The following PRKDC variants were observed in gnomAD, a reference collection of about 807,000 sequenced individuals.
The protein encoded by PRKDC is protein kinase, DNA-activated, catalytic subunit, also known as DNA-dependent protein kinase catalytic subunit.
In PRKDC, 82 loss-of-function variants were observed where a neutral mutation model predicts 486.9. That is an observed-to-expected ratio of 0.17 (90% CI 0.14 to 0.20). The LOEUF is 0.20. PRKDC is among the 10% of genes least tolerant of loss of function. The pLI is 1.00. For missense variants in PRKDC, 4,504 were observed against 5,038.2 expected (o/e 0.89, Z 3.21); for synonymous variants, 1,895 against 1,837.0 (o/e 1.03, Z -0.81).
Position 47,854,999 on chromosome 8 carries a change from G to A in PRKDC, c.6761+223C>T, listed in dbSNP as rs7839604. On this transcript the variant is annotated intron_variant, in intron 50 of 85. Coordinates refer to ENST00000314191, the MANE Select transcript of PRKDC (RefSeq NM_006904.7). ...ACGGAAGGTAGTGCCCCTCCCCAGCGTGGGGACATCAGAGGCAAGCTGAGG... is the reference window on the plus strand; with the variant it reads ...ACGGAAGGTAGTGCCCCTCCCCAGCATGGGGACATCAGAGGCAAGCTGAGG... 0.029 allele frequency among the ~76,000 whole-genome samples: 4,339 copies of A among 152,238 alleles called. 215 individuals carry two copies. The highest frequency in any genetic ancestry group is 0.097 in the African/African-American group (4,034 of 41,532).
intron 67 of PRKDC, among the ~76,000 whole-genome samples, chr8:47,818,594 A>AG (rs1438380421): frequency 3.3e-4 from 50 of 151,358 alleles, no homozygotes; most frequent in Middle Eastern, 3.4e-3. Flanking sequence ...AAAAAAAAAA[A>AG]AAAAAAAAGA....
At position 47,819,509 on chromosome 8, in the gene PRKDC, T is replaced by G; in HGVS notation, c.9338A>C (p.Asn3113Thr). The G allele has an allele frequency of 8.8e-7, 1 of 1,131,252 alleles. No individual in the cohort carries two copies. The allele number at this position is 1,131,252 out of a possible 1,614,324, so 70.1% of individuals were successfully genotyped here. Residue 3113 changes from asparagine to threonine, a missense_variant and splice_region_variant, in exon 67 of 86, where the codon AAT becomes ACT. Asn to Thr is a moderately conservative substitution (Grantham distance 65). This residue lies in a region of PRKDC where 1,592 missense variants were observed against 1,724.6 expected (regional missense o/e 0.92). Coordinates refer to ENST00000314191, the MANE Select transcript of PRKDC (RefSeq NM_006904.7). ...TAAGAGGACATCAATACTAGAATAATTCTTAAAAAAAAAAAAAAAAAAAAA... is the reference window on the plus strand; with the variant it reads ...TAAGAGGACATCAATACTAGAATAAGTCTTAAAAAAAAAAAAAAAAAAAAA... ...IQNGIQSFMQNYSSIDVLLHQ... is the reference protein window; with the variant it reads ...IQNGIQSFMQTYSSIDVLLHQ...
chr8:47,823,014 G>T (rs993416960), intron 64 of PRKDC, among the ~76,000 whole-genome samples: 4 of 152,058 alleles, frequency 2.6e-5, no homozygotes, highest in Admixed American at 6.5e-5. Flanking sequence ...GGCCTGGTGA[G>T]AGGTGTTTGG....
At chr8:47,780,927 ACT>A (rs1488872003) in intron 80 of PRKDC, among the ~76,000 whole-genome samples, 2 of 151,314 alleles carry the variant, frequency 1.3e-5, no homozygotes, top group Admixed American at 6.6e-5. Context: ...ATAGAGAGAG[ACT>A]CTGTCTCAAA....
intron 69 of PRKDC, among the ~76,000 whole-genome samples, chr8:47,806,241 C>T (rs1300306980): frequency 3.3e-5 from 5 of 152,180 alleles, no homozygotes; most frequent in African/African-American, 1.2e-4. Context: ...GTAACAATGG[C>T]AGGGAACATG....
intron 7 of PRKDC, among the ~76,000 whole-genome samples, chr8:47,948,001 T>A (rs372596422): frequency 6.6e-6 from 1 of 151,770 alleles, no homozygotes; most frequent in Non-Finnish European, 1.5e-5. Context: ...GAGCATCATT[T>A]GAGCCCAGGA....
At chr8:47,777,017 C>A in intron 84 of PRKDC, 34 bp from the exon 85 acceptor site, 1 of 1,598,976 alleles carries the variant, frequency 6.3e-7, no homozygotes, top group South Asian at 1.1e-5. Flanking sequence ...CCCGGCTGAT[C>A]ATAATGGTAT....
chr8:47,785,554 C>A (rs947554823), intron 76 of PRKDC, among the ~76,000 whole-genome samples: 1 of 151,630 alleles, frequency 6.6e-6, no homozygotes, highest in Non-Finnish European at 1.5e-5. Flanking sequence ...GGCAACATAG[C>A]AAGACCCCAA....
chr8:47,796,436 A>G (rs1049256422), intron 73 of PRKDC, among the ~76,000 whole-genome samples: 1 of 152,166 alleles, frequency 6.6e-6, no homozygotes, highest in Non-Finnish European at 1.5e-5. Context: ...ATTATTAGTG[A>G]GGCTGTATGT....
chr8:47,879,765 CAAT>C (rs1325219589), intron 38 of PRKDC, 107 bp from the exon 39 acceptor site: 4 of 768,768 alleles, frequency 5.2e-6, no homozygotes, highest in Non-Finnish European at 7.2e-6. Flanking sequence ...TATGTGGAAT[CAAT>C]GAATGGCTTC....
At chr8:47,792,728 CAT>C (rs1198469996) in intron 74 of PRKDC, among the ~76,000 whole-genome samples, 14 of 152,156 alleles carry the variant, frequency 9.2e-5, no homozygotes, top group African/African-American at 2.9e-4. Flanking sequence ...ACCCCATAAA[CAT>C]AGACACCTAC....
At chr8:47,953,306 C>CA (rs984318240) in intron 7 of PRKDC, among the ~76,000 whole-genome samples, 2 of 151,648 alleles carry the variant, frequency 1.3e-5, no homozygotes, top group Non-Finnish European at 2.9e-5. Flanking sequence ...GATTCTGTCT[C>CA]AAAAAAAATA....
intron 69 of PRKDC, among the ~76,000 whole-genome samples, chr8:47,805,917 T>C (rs953528222): frequency 1.3e-5 from 2 of 152,172 alleles, no homozygotes; most frequent in Non-Finnish European, 2.9e-5. Flanking sequence ...GGTCTTTCTC[T>C]GCCTTTGCTT....
At position 47,893,176 on chromosome 8, in the gene PRKDC, G is replaced by T; in HGVS notation, c.3810C>A (p.Phe1270Leu). The change falls in exon 31 of 86, where the codon TTC (phenylalanine) becomes TTA (leucine). Residue 1270 changes from phenylalanine (F) to leucine (L), a missense_variant. By Grantham distance (22) the Phe-to-Leu change is conservative. This residue lies in a region of PRKDC where 1,969 missense variants were observed against 2,068.9 expected (regional missense o/e 0.95). Transcript: ENST00000314191. ...GCGCTCCTACAGTTCTCTCGCCAATGAACGTGTTGTAGCACTCCAACGCGG... is the reference window on the plus strand; with the variant it reads ...GCGCTCCTACAGTTCTCTCGCCAATTAACGTGTTGTAGCACTCCAACGCGG... ...LLAALECYNTFIGERTVGALQ... is the reference protein window; with the variant it reads ...LLAALECYNTLIGERTVGALQ... The T allele has an allele frequency of 6.2e-7, 1 of 1,612,548 alleles. No homozygotes were observed. Among genetic ancestry groups the T allele is most frequent in the South Asian group, 1.1e-5 (1 of 90,890 alleles).
chr8:47,826,517 A>G, intron 63 of PRKDC, 139 bp downstream of exon 63: 1 of 879,938 alleles, frequency 1.1e-6, no homozygotes, highest in Non-Finnish European at 1.7e-6. Flanking sequence ...ACTCAGCCTG[A>G]AAGACTTTTC....
rs770795091 is a variant in PRKDC, at chr8:47,778,467, C to T, written c.11845G>A (p.Ala3949Thr). 3.5e-5 allele frequency: 57 copies of T among 1,611,958 alleles called. No homozygotes were observed. The highest frequency in any genetic ancestry group is 4.5e-5 in the Non-Finnish European group (53 of 1,179,152). The change falls in exon 83 of 86, where the codon GCT (alanine) becomes ACT (threonine). Residue 3949 changes from alanine (A) to threonine (T), a missense_variant. By Grantham distance (58) the Ala-to-Thr change is moderately conservative (BLOSUM62 0). Coordinates refer to ENST00000314191, the MANE Select transcript of PRKDC (RefSeq NM_006904.7). Reference protein sequence around the residue: ...GIDFGHAFGSATQFLPVPELM... With the variant: ...GIDFGHAFGSTTQFLPVPELM... ...GAGCACAGCAAGTGCACCTGTGTAG[C>T]GGATCCAAACGCATGCCCAAAGTCG...
chr8:47,793,674 T>TA (rs1329247667), intron 74 of PRKDC, among the ~76,000 whole-genome samples: 1 of 106,472 alleles, frequency 9.4e-6, no homozygotes, highest in Non-Finnish European at 1.9e-5. Context: ...TAAATTAATT[T>TA]AAAAAAACTA....
At chr8:47,959,941 C>T (rs756875980) in intron 1 of PRKDC, 32 bp downstream of exon 1, 9 of 1,530,542 alleles carry the variant, frequency 5.9e-6, no homozygotes, top group Non-Finnish European at 6.1e-6. Flanking sequence ...AAGCCAGGAC[C>T]CACCCGCGGC....
In PRKDC at chr8:47,879,609, C is replaced by A. The variant is rs2089166308; in HGVS notation, c.5117G>T (p.Ser1706Ile). 3 of 1,592,364 alleles carry A rather than the reference C, an allele frequency of 1.9e-6. No homozygotes were observed. The highest frequency in any genetic ancestry group is 2.6e-6 in the Non-Finnish European group (3 of 1,170,098). ...LPFFTSLTGG[S>I]LEELRRVLEQ... Reference sequence around the variant, plus strand: ...CAGAACACGTCTAAGTTCCTCCAGACTGCCTCCAGTGAGGCTGGTGAAGAA... The same window carrying A: ...CAGAACACGTCTAAGTTCCTCCAGAATGCCTCCAGTGAGGCTGGTGAAGAA... Residue 1706 changes from serine (S) to isoleucine (I), a missense_variant, in exon 39 of 86, where the codon AGT (serine) becomes ATT (isoleucine). This residue lies in a region of PRKDC where 1,969 missense variants were observed against 2,068.9 expected (regional missense o/e 0.95). Transcript: ENST00000314191.
Sources: gnomAD v4.1 joint callset for allele counts (sites outside exome capture counted in the v4.1 genomes callset) on GRCh38, gnomAD v4.1.1 for gene constraint, gnomAD v4.1.1 regional missense constraint, MANE v1.5 for transcripts, NCBI Gene and HGNC (gene_info 2026-07-23, HGNC 2026-07-21) for gene names.